The following RP1 variants were observed in gnomAD, a reference collection of about 807,000 sequenced individuals.
The protein encoded by RP1 is RP1 axonemal microtubule associated, also known as oxygen-regulated protein 1.
Under a neutral mutation model 14.8 loss-of-function variants are expected in RP1, and 16 were observed. That is an observed-to-expected ratio of 1.08 (90% CI 0.73 to 1.65). RP1 has a LOEUF of 1.65. Among genes scored for constraint, RP1 ranks in the 40% most tolerant of loss-of-function variants. The pLI, the probability that RP1 is intolerant of heterozygous loss-of-function variation, is 0.00. For synonymous variants in RP1, 876 were observed against 883.6 expected (o/e 0.99, Z 0.15); for missense variants, 2,631 against 2,535.0 (o/e 1.04, Z -0.81).
At chr8:54,707,320 C>T (rs201043058) in intron 15 of RP1, among the ~76,000 whole-genome samples, 9 of 151,988 alleles carry the variant, frequency 5.9e-5, no homozygotes, top group East Asian at 5.8e-4. Context: ...GAGAGGGTCT[C>T]GCCATGTTGC....
intron 25 of RP1, among the ~76,000 whole-genome samples, chr8:54,843,270 C>T (rs1811832407): frequency 6.6e-6 from 1 of 152,076 alleles, no homozygotes; most frequent in African/African-American, 2.4e-5. Flanking sequence ...TTAGTAGAGA[C>T]AGGGTTTTGC....
At chr8:54,839,227 T>C (rs971363396) in intron 25 of RP1, among the ~76,000 whole-genome samples, 8 of 152,198 alleles carry the variant, frequency 5.3e-5, no homozygotes, top group Non-Finnish European at 1.2e-4. Context: ...TAACTTCTAT[T>C]GTTAATTCTA....
chr8:54,758,492 G>A (rs1176427262), intron 21 of RP1, among the ~76,000 whole-genome samples: 1 of 151,710 alleles, frequency 6.6e-6, no homozygotes, highest in Non-Finnish European at 1.5e-5. Context: ...GAGGGAGGAA[G>A]GAAGGAAGGA....
intron 12 of RP1, among the ~76,000 whole-genome samples, chr8:54,681,465 T>C (rs896153798): frequency 3.3e-5 from 5 of 150,228 alleles, no homozygotes; most frequent in African/African-American, 1.2e-4. Context: ...TTATATTTTC[T>C]ATTTTTATTT....
intron 24 of RP1, among the ~76,000 whole-genome samples, chr8:54,790,011 T>C (rs1810422373): frequency 6.6e-6 from 1 of 152,154 alleles, no homozygotes; most frequent in Non-Finnish European, 1.5e-5. Flanking sequence ...GGAGTGATTG[T>C]GGAACTCAGC....
intron 15 of RP1, among the ~76,000 whole-genome samples, chr8:54,719,854 A>G (rs1808493689): frequency 6.6e-6 from 1 of 152,196 alleles, no homozygotes; most frequent in African/African-American, 2.4e-5. Context: ...AAAATGAAAT[A>G]CAGCATATAC....
rs191919712 is a variant in RP1, at chr8:54,729,362, C to T, written c.2521+2886C>T. 2.1e-4 allele frequency among the ~76,000 whole-genome samples: 32 copies of T among 152,252 alleles called. 1 individual carries two copies. Among genetic ancestry groups the T allele is most frequent in the Non-Finnish European group, 1.2e-4 (8 of 68,032 alleles). ...GGCAAATCCTAATCTGTGCCAAAGT[C>T]TCAGCCATGGCATTTTCTTTCCTAA... On this transcript the variant is annotated intron_variant, in intron 17 of 22. Coordinates refer to the RP1 transcript ENST00000636932.
At chr8:54,812,789 CTATCTATCTATCTATCTA>C (rs1328760071) in intron 24 of RP1, among the ~76,000 whole-genome samples, 144 of 150,826 alleles carry the variant, frequency 9.5e-4, no homozygotes, top group African/African-American at 3.3e-3. Context: ...ATCTATCTAT[CTATCTATCTATCTATCTA>C]TCTCTCCGTC....
chr8:54,804,365 G>C (rs990609143), intron 24 of RP1, among the ~76,000 whole-genome samples: 2 of 152,110 alleles, frequency 1.3e-5, no homozygotes, highest in African/African-American at 4.8e-5. Context: ...TGACGTTAAG[G>C]CCCACCATTA....
At chr8:54,602,710 C>T (rs1422015631) in intron 1 of RP1, among the ~76,000 whole-genome samples, 4 of 152,160 alleles carry the variant, frequency 2.6e-5, no homozygotes, top group Admixed American at 2.6e-4. Flanking sequence ...TGTTTCCTGA[C>T]TTTTTAATGA....
intron 24 of RP1, among the ~76,000 whole-genome samples, chr8:54,792,502 A>C (rs1164609061): frequency 6.6e-6 from 1 of 151,996 alleles, no homozygotes. Flanking sequence ...AAATTACATC[A>C]AGTATCTTTT....
intron 1 of RP1, among the ~76,000 whole-genome samples, chr8:54,605,204 C>T (rs1219061501): frequency 1.3e-5 from 2 of 152,174 alleles, no homozygotes; most frequent in African/African-American, 4.8e-5. Flanking sequence ...CTACACACTG[C>T]TTTGAATGTG....
At chr8:54,854,303 C>T (rs1411429147) in intron 26 of RP1, among the ~76,000 whole-genome samples, 3 of 152,040 alleles carry the variant, frequency 2.0e-5, no homozygotes, top group African/African-American at 7.2e-5. Context: ...CAAAGAAAGT[C>T]AAATATAGCA....
chr8:54,711,163 G>GT (rs930838903), intron 15 of RP1, among the ~76,000 whole-genome samples: 4 of 152,104 alleles, frequency 2.6e-5, no homozygotes, highest in African/African-American at 7.2e-5. Flanking sequence ...CTGTTACTAT[G>GT]TTTTTTTAAT....
At chr8:54,740,403 T>TAAAAAAAAAA (rs34753388) in intron 19 of RP1, among the ~76,000 whole-genome samples, 31 of 80,242 alleles carry the variant, frequency 3.9e-4, no homozygotes, top group African/African-American at 1.4e-3. Flanking sequence ...GCTTAAAAAG[T>TAAAAAAAAAA]AAAAAAAAAA....
intron 15 of RP1, among the ~76,000 whole-genome samples, chr8:54,713,982 T>G (rs1355343650): frequency 6.6e-6 from 1 of 152,230 alleles, no homozygotes; most frequent in African/African-American, 2.4e-5. Flanking sequence ...AGATTCCATC[T>G]TGCTTCTAAC....
chr8:54,578,643 G>T (rs1414239487), intron 1 of RP1, among the ~76,000 whole-genome samples: 2 of 152,220 alleles, frequency 1.3e-5, no homozygotes, highest in Admixed American at 6.5e-5. Flanking sequence ...TTCTAATGAA[G>T]GTCCCAGGAT....
exon 24 of RP1, chr8:54,783,626 T>C (rs939858014): frequency 5.7e-6 from 7 of 1,231,462 alleles, no homozygotes; most frequent in African/African-American, 1.6e-5. Context: ...TTTATGTCTA[T>C]GGAGAAACAA....
At chr8:54,705,044 A>C (rs1381830383) in intron 14 of RP1, among the ~76,000 whole-genome samples, 1 of 152,144 alleles carries the variant, frequency 6.6e-6, no homozygotes, top group African/African-American at 2.4e-5. Context: ...ATACTGCCAA[A>C]TTTATTTCTT....
Sources: allele counts gnomAD v4.1 joint callset (sites outside exome capture counted in the v4.1 genomes callset), GRCh38; gene constraint gnomAD v4.1.1; transcripts MANE v1.5; gene names NCBI Gene and HGNC (gene_info 2026-07-23, HGNC 2026-07-21).